The following LITAF variants were observed in gnomAD, a reference collection of about 807,000 sequenced individuals.
LITAF encodes the protein lipopolysaccharide-induced tumor necrosis factor-alpha factor.
A neutral mutation model predicts 14.5 loss-of-function variants in LITAF; 9 were observed. The observed-to-expected ratio is 0.62, with a 90% CI of 0.37 to 1.08. LITAF has a LOEUF of 1.08. Ranked by LOEUF, LITAF falls within the 50% of genes least tolerant of loss-of-function variation. LITAF has a pLI of 0.01. For missense variants in LITAF, 206 were observed against 213.4 expected, an observed-to-expected ratio of 0.97 and a Z score of 0.22; for synonymous variants, 98 against 88.2, an observed-to-expected ratio of 1.11 and a Z score of -0.62.
intron 3 of LITAF, among the ~76,000 whole-genome samples, chr16:11,609,597 A>C (rs1279471525): frequency 6.6e-6 from 1 of 152,188 alleles, no homozygotes; most frequent in African/African-American, 2.4e-5. Context: ...AAAAGGGATA[A>C]AGGGAGCAAA....
intron 1 of LITAF, among the ~76,000 whole-genome samples, chr16:11,564,766 G>A (rs1452465335): frequency 6.6e-6 from 1 of 152,132 alleles, no homozygotes; most frequent in Non-Finnish European, 1.5e-5. Context: ...CTCCACGACA[G>A]CCCTGGAATG....
chr16:11,581,568 GTGAT>G (rs1349975045), intron 1 of LITAF, among the ~76,000 whole-genome samples: 3 of 152,038 alleles, frequency 2.0e-5, no homozygotes, highest in Non-Finnish European at 4.4e-5. Flanking sequence ...GCATGGAGCT[GTGAT>G]CACGCCACTG....
intron 1 of LITAF, among the ~76,000 whole-genome samples, chr16:11,563,162 T>G (rs2064398359): frequency 6.6e-6 from 1 of 151,916 alleles, no homozygotes; most frequent in South Asian, 2.1e-4. Context: ...ATAATTTTTT[T>G]TTTTGAGTCA....
intron 3 of LITAF, among the ~76,000 whole-genome samples, chr16:11,625,193 C>T (rs1054082917): frequency 2.0e-5 from 3 of 151,572 alleles, no homozygotes; most frequent in Admixed American, 2.0e-4. Context: ...AAGCAGTGGC[C>T]GTGACTCTCT....
upstream of LITAF, among the ~76,000 whole-genome samples, chr16:11,598,902 C>A (rs1358169480): frequency 2.0e-5 from 3 of 151,976 alleles, no homozygotes; most frequent in Admixed American, 2.0e-4. Flanking sequence ...TCACTGCAAC[C>A]TCCACCTCCC....
rs529017972 is a variant in LITAF at position 11,565,063 on chromosome 16, C to T, written c.-5-8328G>A. Among the ~76,000 whole-genome samples, 3 of 142,328 alleles carry T rather than the reference C, an allele frequency of 2.1e-5. No homozygotes were observed. In the East Asian group the frequency reaches 6.1e-4, roughly 29 times the overall value. 93.4% of individuals were successfully genotyped at this position (142,328 alleles called of 152,430 possible). A position where few individuals can be genotyped will look rare whatever the true frequency, so the allele number is the denominator to read the frequency against. On this transcript the variant is annotated intron_variant, in intron 1 of 3. Transcript: ENST00000622633. ...CTGTCGCTCAGGCTGGAGTACAGAA[C>T]TTACTAAATGCCACTGAATTATCTT... is the stretch of plus-strand genomic sequence containing the variant.
At position 11,553,899 on chromosome 16, in the gene LITAF, C is replaced by A. The variant is rs892477239; in HGVS notation, c.221-210G>T. 1.3e-5 allele frequency among the ~76,000 whole-genome samples: 2 copies of A among 152,018 alleles called. No homozygotes were observed. Among genetic ancestry groups the A allele is most frequent in the Non-Finnish European group, 2.9e-5 (2 of 68,020 alleles). On this transcript the variant is annotated intron_variant, in intron 2 of 3. Coordinates refer to ENST00000622633, the MANE Select transcript of LITAF (RefSeq NM_001136472.2). The surrounding 1 kb of genome is among the most constrained non-coding windows in gnomAD (Gnocchi z 7.7). ...TCGACGGACCAATAAACTAACACAG[C>A]GAAGTTTATCCATCCACCAGAATAT...
chr16:11,626,492 C>T (rs2065084744), intron 3 of LITAF, among the ~76,000 whole-genome samples: 1 of 152,234 alleles, frequency 6.6e-6, no homozygotes, highest in Admixed American at 6.5e-5. Flanking sequence ...TACAGGCAGG[C>T]ATCACCATGC....
Position 11,605,026 on chromosome 16 carries a change from G to A in LITAF, c.85+28507C>T, listed in dbSNP as rs769941359. On this transcript the variant is annotated intron_variant, in intron 3 of 3. Coordinates refer to the LITAF transcript ENST00000574848. This position sits in a 1 kb window ranked among gnomAD's most constrained non-coding sequence, Gnocchi z 4.7. ...ATGCGGGAAAGAACGGAACTTCCTT[G>A]CCTACTCCAGGAATCGGCCAGGACC... Among the ~76,000 whole-genome samples the A allele has an allele frequency of 6.6e-5, 10 of 152,146 alleles. No individual in the cohort carries two copies. The highest frequency in any genetic ancestry group is 1.5e-4 in the Non-Finnish European group (10 of 68,028).
intron 1 of LITAF, among the ~76,000 whole-genome samples, chr16:11,594,999 T>A (rs2064873888): frequency 6.6e-6 from 1 of 152,354 alleles, no homozygotes; most frequent in East Asian, 1.9e-4. Context: ...CTACTGTCCA[T>A]TTTCTAATGT....
chr16:11,631,582 G>C (rs1190560404), intron 3 of LITAF, among the ~76,000 whole-genome samples: 2 of 152,192 alleles, frequency 1.3e-5, no homozygotes, highest in Non-Finnish European at 2.9e-5. Context: ...TAGAGACAGG[G>C]TTTCACTACG....
At chr16:11,582,318 G>A (rs1310999802) in intron 1 of LITAF, among the ~76,000 whole-genome samples, 5 of 106,260 alleles carry the variant, frequency 4.7e-5, no homozygotes, top group East Asian at 3.4e-4. Flanking sequence ...CACTCACAAC[G>A]GAAAAAAAAA....
chr16:11,556,289 A>C, intron 2 of LITAF: 1 of 562,332 alleles, frequency 1.8e-6, no homozygotes, highest in Non-Finnish European at 3.2e-6. Context: ...GTATATGATG[A>C]CCATGGGAAA....
chr16:11,557,709 C>T (rs773498536), intron 1 of LITAF, among the ~76,000 whole-genome samples: 28 of 152,314 alleles, frequency 1.8e-4, no homozygotes, highest in Non-Finnish European at 3.1e-4. Context: ...CCTTGGCTTC[C>T]CAATGTGCTG....
chr16:11,552,310 C>T (rs921371864), intron 3 of LITAF, among the ~76,000 whole-genome samples: 5 of 152,138 alleles, frequency 3.3e-5, no homozygotes, highest in Non-Finnish European at 7.3e-5. Flanking sequence ...ATTGTGTTTC[C>T]TCAGATTTTT....
At chr16:11,575,505 T>C (rs1264407400) in intron 1 of LITAF, 1 of 152,210 alleles carries the variant, frequency 6.6e-6, no homozygotes, top group African/African-American at 2.4e-5. Context: ...CCTGGGTTTA[T>C]GGGGGACCCC....
chr16:11,613,587 T>A (rs544488385), intron 3 of LITAF, among the ~76,000 whole-genome samples: 3 of 152,336 alleles, frequency 2.0e-5, no homozygotes, highest in African/African-American at 4.8e-5. Context: ...TGGGCTCCTA[T>A]GAAAGCTCCC....
In LITAF at chr16:11,613,242, G is replaced by C. The variant is rs149859633; in HGVS notation, c.85+20291C>G. On this transcript the variant is annotated intron_variant, in intron 3 of 3. Coordinates refer to the LITAF transcript ENST00000574848. ...TTTAGTAGAGATGGGGTTTCACCATGTTGACCAGGCTGGTCTCGAACGCCT... is the reference window on the plus strand; with the variant it reads ...TTTAGTAGAGATGGGGTTTCACCATCTTGACCAGGCTGGTCTCGAACGCCT... Among the ~76,000 whole-genome samples, 12 of 152,236 alleles carry C rather than the reference G, an allele frequency of 7.9e-5. No homozygotes were observed. The East Asian group carries it at 2.3e-3, about 29-fold the overall frequency.
chr16:11,574,609 C>A (rs887151763), intron 1 of LITAF, among the ~76,000 whole-genome samples: 7 of 152,120 alleles, frequency 4.6e-5, no homozygotes, highest in African/African-American at 1.7e-4. Flanking sequence ...GGGTCCTTCC[C>A]GCCTCTGGGT....
Sources: gnomAD v4.1 joint callset for allele counts (sites outside exome capture counted in the v4.1 genomes callset) on GRCh38, gnomAD v4.1.1 for gene constraint, Gnocchi (gnomAD v3.1) non-coding constraint, MANE v1.5 for transcripts, NCBI Gene and HGNC (gene_info 2026-07-23, HGNC 2026-07-21) for gene names.